Variants in RASGRF2 observed in about 807,000 individuals in gnomAD.
RASGRF2 encodes ras-specific guanine nucleotide-releasing factor 2.
Under a neutral mutation model 151.0 loss-of-function variants are expected in RASGRF2, and 76 were observed. That is an observed-to-expected ratio of 0.50 (90% CI 0.42 to 0.61). RASGRF2 has a LOEUF of 0.61. RASGRF2 is among the 20% of genes least tolerant of loss of function. RASGRF2 has a pLI of 0.00. For missense variants in RASGRF2, 1,148 were observed against 1,564.6 expected, an observed-to-expected ratio of 0.73 and a Z score of 4.49; for synonymous variants, 504 against 566.5, an observed-to-expected ratio of 0.89 and a Z score of 1.57.
chr5:81,196,446 T>C (rs1434684135), intron 18 of RASGRF2, among the ~76,000 whole-genome samples: 1 of 152,238 alleles, frequency 6.6e-6, no homozygotes, highest in East Asian at 1.9e-4. Context: ...ACTATTCAAC[T>C]GCGACCATTT....
chr5:81,108,975 T>G, intron 12 of RASGRF2, 21 bp from the exon 13 acceptor site: 1 of 1,594,272 alleles, frequency 6.3e-7, no homozygotes, highest in East Asian at 2.3e-5. Flanking sequence ...GGGTTGTAAT[T>G]GTCAACTTTT....
At chr5:81,052,401 A>G (rs1392768269) in intron 2 of RASGRF2, among the ~76,000 whole-genome samples, 1 of 152,212 alleles carries the variant, frequency 6.6e-6, no homozygotes, top group Non-Finnish European at 1.5e-5. Flanking sequence ...CCCAAAGTTT[A>G]GTGAAATGTT....
chr5:81,219,924 T>TAAAA (rs34019036), intron 26 of RASGRF2, 146 bp downstream of exon 26: 4 of 367,210 alleles, frequency 1.1e-5, no homozygotes, highest in East Asian at 4.3e-5. Flanking sequence ...CTAGTCTGAT[T>TAAAA]AAAAAAAAAA....
chr5:81,094,695 G>A (rs937054648), intron 11 of RASGRF2, among the ~76,000 whole-genome samples, 161 bp from the exon 12 acceptor site: 3 of 152,108 alleles, frequency 2.0e-5, no homozygotes, highest in African/African-American at 4.8e-5. Flanking sequence ...CTGCTTATGA[G>A]CTTAATAAAG....
chr5:81,116,786 A>T (rs559654239), intron 15 of RASGRF2, among the ~76,000 whole-genome samples: 10 of 152,302 alleles, frequency 6.6e-5, no homozygotes, highest in Middle Eastern at 3.4e-3. Context: ...GAATCATTCA[A>T]TATTTGTCCT....
intron 2 of RASGRF2, among the ~76,000 whole-genome samples, chr5:81,062,308 C>A (rs1175678710): frequency 2.6e-5 from 4 of 152,050 alleles, no homozygotes; most frequent in Non-Finnish European, 4.4e-5. Context: ...TGTCTTTTGC[C>A]CGCTCTGTTT....
At chr5:81,059,155 C>G (rs1232618220) in intron 2 of RASGRF2, among the ~76,000 whole-genome samples, 1 of 150,532 alleles carries the variant, frequency 6.6e-6, no homozygotes, top group East Asian at 2.0e-4. Context: ...AGGCTGAAGC[C>G]GGTGGATCAC....
chr5:80,990,218 G>GTTTTTTTT (rs10558206), intron 1 of RASGRF2, among the ~76,000 whole-genome samples: 1 of 137,926 alleles, frequency 7.3e-6, no homozygotes, highest in Non-Finnish European at 1.6e-5. Flanking sequence ...ACTGCCAGAT[G>GTTTTTTTT]TTTTTTTTTT....
chr5:80,964,001 T>G (rs1056238848), intron 1 of RASGRF2, among the ~76,000 whole-genome samples: 2 of 38,880 alleles, frequency 5.1e-5, no homozygotes, highest in Admixed American at 4.9e-4. Context: ...AAAAATCCGT[T>G]TTTTTTTTTT....
At chr5:81,077,184 C>T (rs900082286) in intron 5 of RASGRF2, among the ~76,000 whole-genome samples, 21 of 152,068 alleles carry the variant, frequency 1.4e-4, no homozygotes, top group African/African-American at 4.3e-4. Flanking sequence ...AGGCAGTGAA[C>T]TGAAAGATTA....
chr5:81,157,743 C>G (rs1013729591), intron 17 of RASGRF2, among the ~76,000 whole-genome samples: 1 of 152,136 alleles, frequency 6.6e-6, no homozygotes, highest in Non-Finnish European at 1.5e-5. Context: ...TGAGTGCCAG[C>G]AGGGGAAATG....
At chr5:81,143,435 A>G (rs1035268196) in intron 17 of RASGRF2, among the ~76,000 whole-genome samples, 2 of 152,134 alleles carry the variant, frequency 1.3e-5, no homozygotes, top group Non-Finnish European at 2.9e-5. Context: ...GGTATGAGCC[A>G]ACACACCTGG....
chr5:81,198,624 A>G (rs993742066), intron 18 of RASGRF2, among the ~76,000 whole-genome samples: 2 of 152,116 alleles, frequency 1.3e-5, no homozygotes, highest in Non-Finnish European at 2.9e-5. Context: ...TATTTTTAGT[A>G]GAGACGGGGT....
intron 1 of RASGRF2, among the ~76,000 whole-genome samples, chr5:81,023,506 A>C (rs974685059): frequency 6.6e-6 from 1 of 152,192 alleles, no homozygotes; most frequent in Non-Finnish European, 1.5e-5. Flanking sequence ...CTAGACATAC[A>C]AGACTCTTTG....
At chr5:81,054,648 TCCAA>T in intron 2 of RASGRF2, among the ~76,000 whole-genome samples, 1 of 108,666 alleles carries the variant, frequency 9.2e-6, no homozygotes. Context: ...AGTAGTTTTT[TCCAA>T]TTCTGTGAAG....
At chr5:80,969,329 T>C (rs1747829396) in intron 1 of RASGRF2, among the ~76,000 whole-genome samples, 1 of 151,718 alleles carries the variant, frequency 6.6e-6, no homozygotes, top group South Asian at 2.1e-4. Context: ...AGAGACAGGG[T>C]TTCACCATGT....
intron 17 of RASGRF2, among the ~76,000 whole-genome samples, chr5:81,146,043 A>G (rs1753997757): frequency 6.6e-6 from 1 of 152,204 alleles, no homozygotes; most frequent in African/African-American, 2.4e-5. Flanking sequence ...GCTTATACTC[A>G]ACCAAATGTT....
chr5:81,136,153 TA>T (rs1427219530), intron 17 of RASGRF2, among the ~76,000 whole-genome samples: 1 of 152,210 alleles, frequency 6.6e-6, no homozygotes, highest in African/African-American at 2.4e-5. Flanking sequence ...ATTATTACTT[TA>T]AGCAAAGTTA....
chr5:81,136,838 T>G (rs1580350272), intron 17 of RASGRF2, among the ~76,000 whole-genome samples: 1 of 152,066 alleles, frequency 6.6e-6, no homozygotes, highest in African/African-American at 2.4e-5. Flanking sequence ...AGTTTGGAAA[T>G]TTTGATTGGC....
Sources: allele counts gnomAD v4.1 joint callset (sites outside exome capture counted in the v4.1 genomes callset), GRCh38; gene constraint gnomAD v4.1.1; transcripts MANE v1.5; gene names NCBI Gene and HGNC (gene_info 2026-07-23, HGNC 2026-07-21).